The following PPP2R2B variants were observed in gnomAD, a reference collection of about 807,000 sequenced individuals.
PPP2R2B encodes the protein serine/threonine-protein phosphatase 2A 55 kDa regulatory subunit B beta isoform.
A neutral mutation model predicts 46.0 loss-of-function variants in PPP2R2B; 5 were observed. The observed-to-expected ratio is 0.11, with a 90% CI of 0.06 to 0.23. The LOEUF (loss-of-function observed/expected upper bound fraction) is 0.23. Among genes scored for constraint, PPP2R2B ranks in the 10% least tolerant of loss-of-function variants. The pLI, the probability that PPP2R2B is intolerant of heterozygous loss-of-function variation, is 1.00. For synonymous variants in PPP2R2B, 215 were observed against 206.7 expected (o/e 1.04, Z -0.34); for missense variants, 367 against 575.0 (o/e 0.64, Z 3.70).
intron 2 of PPP2R2B, among the ~76,000 whole-genome samples, chr5:146,715,298 T>G (rs1780433875): frequency 6.6e-6 from 1 of 152,120 alleles, no homozygotes; most frequent in Non-Finnish European, 1.5e-5. Context: ...TGACTACAGG[T>G]AGAGAATTGC....
chr5:146,971,910 A>G (rs796320390), intron 1 of PPP2R2B, among the ~76,000 whole-genome samples: 13 of 152,304 alleles, frequency 8.5e-5, no homozygotes, highest in African/African-American at 2.4e-4. Context: ...GCAACATCTC[A>G]TATCTCCATG....
intron 2 of PPP2R2B, among the ~76,000 whole-genome samples, chr5:146,711,742 CA>C (rs1170462899): frequency 6.6e-6 from 1 of 152,162 alleles, no homozygotes; most frequent in African/African-American, 2.4e-5. Context: ...TAGTAATAAA[CA>C]AACACTACTG....
At chr5:146,620,978 G>T (rs982832437) in intron 7 of PPP2R2B, among the ~76,000 whole-genome samples, 1 of 152,226 alleles carries the variant, frequency 6.6e-6, no homozygotes, top group Admixed American at 6.5e-5. Flanking sequence ...CATAATCACT[G>T]CAATGAGAGG....
chr5:146,773,739 C>A (rs1202052300), intron 2 of PPP2R2B, among the ~76,000 whole-genome samples: 1 of 152,112 alleles, frequency 6.6e-6, no homozygotes, highest in African/African-American at 2.4e-5. Flanking sequence ...AACTCAACAG[C>A]TATTTCAGAT....
intron 1 of PPP2R2B, chr5:147,055,599 C>T (rs1416746855): frequency 1.4e-6 from 2 of 1,386,902 alleles, no homozygotes; most frequent in South Asian, 2.3e-5. Context: ...CAGCAGAACC[C>T]GTGGGAAGTC....
At chr5:146,624,216 A>G (rs1773891706) in intron 7 of PPP2R2B, among the ~76,000 whole-genome samples, 1 of 152,184 alleles carries the variant, frequency 6.6e-6, no homozygotes, top group African/African-American at 2.4e-5. Flanking sequence ...ATAAATAGCA[A>G]AGGGCTAAAC....
intron 7 of PPP2R2B, among the ~76,000 whole-genome samples, chr5:146,632,778 T>G (rs1375331510): frequency 6.6e-6 from 1 of 151,924 alleles, no homozygotes; most frequent in East Asian, 1.9e-4. Flanking sequence ...GTAGAGTGTG[T>G]GGGGGGCAGG....
intron 2 of PPP2R2B, among the ~76,000 whole-genome samples, chr5:146,784,434 A>G (rs1179887896): frequency 6.6e-6 from 1 of 152,188 alleles, no homozygotes. Context: ...ACTGATGGGA[A>G]AATTGATTCA....
At chr5:147,054,671 A>G (rs1336511642) in intron 1 of PPP2R2B, 5 of 456,202 alleles carry the variant, frequency 1.1e-5, no homozygotes, top group Non-Finnish European at 2.2e-5. Flanking sequence ...TGGAGGATGA[A>G]AACAAGAGTG....
At chr5:146,836,761 T>C (rs1206715523) in intron 2 of PPP2R2B, among the ~76,000 whole-genome samples, 1 of 152,220 alleles carries the variant, frequency 6.6e-6, no homozygotes, top group African/African-American at 2.4e-5. Context: ...TTAGGACATA[T>C]TGATTAGCTT....
At position 146,785,549 on chromosome 5, in the gene PPP2R2B, A is replaced by G. The variant is rs375470692; in HGVS notation, c.71-84407T>C. 3.5e-3 allele frequency among the ~76,000 whole-genome samples: 529 copies of G among 152,290 alleles called. 4 individuals are homozygous for G. The highest frequency in any genetic ancestry group is 0.012 in the African/African-American group (500 of 41,556). ...GGCAACAGAGTGAGACCCTGTCTCA[A>G]AAACAAACAAACAAAAAACAAAAAC... On this transcript the variant is annotated intron_variant, in intron 2 of 9. Coordinates refer to ENST00000394411, the MANE Select transcript of PPP2R2B (RefSeq NM_181675.4).
chr5:146,831,498 CAAAAAAAAAA>C (rs34975709), intron 2 of PPP2R2B, among the ~76,000 whole-genome samples: 2 of 54,920 alleles, frequency 3.6e-5, no homozygotes, highest in Non-Finnish European at 6.1e-5. Context: ...CTCCATCTCT[CAAAAAAAAAA>C]AAAAAAAAAA....
chr5:146,596,198 G>A (rs369441916), intron 8 of PPP2R2B, among the ~76,000 whole-genome samples: 5 of 152,144 alleles, frequency 3.3e-5, no homozygotes, highest in Non-Finnish European at 5.9e-5. Flanking sequence ...TGGAACACAC[G>A]TTGCAGTCTG....
chr5:146,626,766 A>T (rs1022799842), intron 7 of PPP2R2B, among the ~76,000 whole-genome samples: 1 of 152,170 alleles, frequency 6.6e-6, no homozygotes, highest in Admixed American at 6.5e-5. Flanking sequence ...GTGGGAGCCA[A>T]TTTTGACCTT....
intron 5 of PPP2R2B, among the ~76,000 whole-genome samples, chr5:146,689,325 A>T (rs927641023): frequency 6.6e-6 from 1 of 152,212 alleles, no homozygotes; most frequent in African/African-American, 2.4e-5. Context: ...GCCACATGCC[A>T]CATGATGTTT....
chr5:146,823,988 T>A (rs910240587), intron 2 of PPP2R2B, among the ~76,000 whole-genome samples: 1 of 152,202 alleles, frequency 6.6e-6, no homozygotes, highest in Non-Finnish European at 1.5e-5. Flanking sequence ...GTAGTAGATG[T>A]GCATGCAAAG....
At chr5:146,740,725 C>T (rs1752823770) in intron 2 of PPP2R2B, among the ~76,000 whole-genome samples, 1 of 151,632 alleles carries the variant, frequency 6.6e-6, no homozygotes, top group Non-Finnish European at 1.5e-5. Flanking sequence ...TATTTTTTCA[C>T]AATGAGCATA....
intron 2 of PPP2R2B, among the ~76,000 whole-genome samples, chr5:146,862,414 C>G (rs1297586241): frequency 6.6e-6 from 1 of 152,202 alleles, no homozygotes; most frequent in Non-Finnish European, 1.5e-5. Context: ...CGTGCAGGAT[C>G]TGTGTCTTTA....
At chr5:146,835,401 T>C (rs1224783259) in intron 2 of PPP2R2B, among the ~76,000 whole-genome samples, 1 of 152,106 alleles carries the variant, frequency 6.6e-6, no homozygotes, top group African/African-American at 2.4e-5. Context: ...TGAGGAAGCA[T>C]AGAGCCCACT....
Sources: gnomAD v4.1 joint callset for allele counts (sites outside exome capture counted in the v4.1 genomes callset) on GRCh38, gnomAD v4.1.1 for gene constraint, MANE v1.5 for transcripts, NCBI Gene and HGNC (gene_info 2026-07-23, HGNC 2026-07-21) for gene names.